The following CDH13 variants were observed in gnomAD, a reference collection of about 807,000 sequenced individuals.
CDH13 encodes the protein cadherin-13.
CDH13 carries 24 observed loss-of-function variants against 63.8 expected under a neutral mutation model. The observed-to-expected ratio is 0.38, with a 90% CI of 0.27 to 0.53. The LOEUF is 0.53. Among genes scored for constraint, CDH13 ranks in the 20% least tolerant of loss-of-function variants. The probability of loss-of-function intolerance (pLI) is 0.85; values close to 1 mark genes in which losing one functional copy is unlikely to be tolerated. For synonymous variants in CDH13, 503 were observed against 355.3 expected (o/e 1.42, Z -4.67); for missense variants, 1,049 against 903.1 (o/e 1.16, Z -2.07).
chr16:83,178,874 C>A (rs2038234437), intron 4 of CDH13, among the ~76,000 whole-genome samples: 1 of 152,092 alleles, frequency 6.6e-6, no homozygotes, highest in Non-Finnish European at 1.5e-5. Flanking sequence ...GTGTTTGGTT[C>A]ACTCTCCCCT....
At chr16:83,646,644 A>G (rs1481035291) in intron 8 of CDH13, among the ~76,000 whole-genome samples, 1 of 142,030 alleles carries the variant, frequency 7.0e-6, no homozygotes, top group Non-Finnish European at 1.5e-5. Context: ...GTGAGCTGAG[A>G]TCACGCGATT....
chr16:82,627,309 C>T (rs1907406718), intron 1 of CDH13, among the ~76,000 whole-genome samples, 172 bp downstream of exon 1: 1 of 151,326 alleles, frequency 6.6e-6, no homozygotes, highest in African/African-American at 2.4e-5. Flanking sequence ...CTAGGCACCC[C>T]CCACACACAG....
intron 4 of CDH13, among the ~76,000 whole-genome samples, chr16:83,181,667 T>C (rs2038351726): frequency 6.6e-6 from 1 of 152,118 alleles, no homozygotes; most frequent in African/African-American, 2.4e-5. Flanking sequence ...GGGGATGACT[T>C]GGAGCCAGGA....
At chr16:83,570,827 TA>T (rs1412138243) in intron 7 of CDH13, among the ~76,000 whole-genome samples, 1 of 106,734 alleles carries the variant, frequency 9.4e-6, no homozygotes, top group Non-Finnish European at 2.1e-5. Flanking sequence ...TAAATATAAA[TA>T]AAAATTTATA....
chr16:83,695,893 CTT>C (rs199731349), intron 10 of CDH13, among the ~76,000 whole-genome samples: 63 of 143,098 alleles, frequency 4.4e-4, no homozygotes, highest in Middle Eastern at 3.7e-3. Context: ...TGCCAAAGAA[CTT>C]TTTTTTTTTT....
intron 10 of CDH13, among the ~76,000 whole-genome samples, chr16:83,701,341 A>G (rs1421648500): frequency 2.0e-5 from 3 of 152,198 alleles, no homozygotes; most frequent in Admixed American, 1.3e-4. Context: ...CAGCGCTCCC[A>G]ATTCATTTCT....
At chr16:83,616,701 A>C (rs1400820661) in intron 8 of CDH13, among the ~76,000 whole-genome samples, 2 of 152,324 alleles carry the variant, frequency 1.3e-5, no homozygotes, top group East Asian at 3.9e-4. Flanking sequence ...ATAGAAAGCC[A>C]AGAGCAGCAT....
chr16:82,739,404 A>G (rs1051985125), intron 1 of CDH13, among the ~76,000 whole-genome samples: 1 of 152,182 alleles, frequency 6.6e-6, no homozygotes, highest in Non-Finnish European at 1.5e-5. Context: ...TTAGTCCCTG[A>G]GTCTTATTCC....
chr16:83,139,489 C>A (rs990393723), intron 4 of CDH13, among the ~76,000 whole-genome samples: 1 of 152,214 alleles, frequency 6.6e-6, no homozygotes, highest in Non-Finnish European at 1.5e-5. Flanking sequence ...ACACAATTCA[C>A]AGGCTCTGTG....
At chr16:83,038,813 C>G (rs1293277662) in intron 3 of CDH13, among the ~76,000 whole-genome samples, 1 of 152,186 alleles carries the variant, frequency 6.6e-6, no homozygotes, top group African/African-American at 2.4e-5. Context: ...AAAACACTCA[C>G]AAAGTAAAAA....
rs183819086 is a variant in CDH13 at position 83,521,875 on chromosome 16, A to G, written c.960+35220A>G. On this transcript the variant is annotated intron_variant, in intron 7 of 13. Transcript: ENST00000567109. ...CATTTTCAATAACTTCACCTATAATACAGGGCAAATCATCCTACTATATGA... is the reference window on the plus strand; with the variant it reads ...CATTTTCAATAACTTCACCTATAATGCAGGGCAAATCATCCTACTATATGA... 8.7e-4 allele frequency among the ~76,000 whole-genome samples: 133 copies of G among 152,350 alleles called. 1 individual carries two copies. The highest frequency in any genetic ancestry group is 1.4e-3 in the South Asian group (7 of 4,830).
intron 5 of CDH13, among the ~76,000 whole-genome samples, chr16:83,239,977 C>T (rs1904307220): frequency 6.6e-6 from 1 of 152,112 alleles, no homozygotes. Context: ...AAGAGAAGGT[C>T]ATGAGCTATA....
chr16:83,622,852 T>G (rs1396131143), intron 8 of CDH13, among the ~76,000 whole-genome samples: 1 of 152,206 alleles, frequency 6.6e-6, no homozygotes, highest in Non-Finnish European at 1.5e-5. Flanking sequence ...GTTCATGCAG[T>G]CACCGCATGC....
intron 5 of CDH13, among the ~76,000 whole-genome samples, chr16:83,323,057 A>C (rs190714798): frequency 6.6e-6 from 1 of 152,136 alleles, no homozygotes; most frequent in African/African-American, 2.4e-5. Flanking sequence ...GCTATCGTGC[A>C]AATGAGCGAA....
chr16:83,733,043 A>T (rs1911189172), intron 10 of CDH13, among the ~76,000 whole-genome samples: 1 of 152,224 alleles, frequency 6.6e-6, no homozygotes, highest in South Asian at 2.1e-4. Flanking sequence ...GCCTTGGTGA[A>T]GATACGCATC....
intron 2 of CDH13, among the ~76,000 whole-genome samples, chr16:82,964,581 A>G (rs1343413181): frequency 6.6e-6 from 1 of 152,238 alleles, no homozygotes; most frequent in Non-Finnish European, 1.5e-5. Flanking sequence ...GGTGAGCTTT[A>G]TCAACATCAT....
At chr16:83,629,262 AC>A (rs1448459640) in intron 8 of CDH13, among the ~76,000 whole-genome samples, 1 of 152,230 alleles carries the variant, frequency 6.6e-6, no homozygotes, top group Non-Finnish European at 1.5e-5. Flanking sequence ...GCTTCTGAAA[AC>A]TTTCTCATAA....
At chr16:83,287,658 A>G (rs1048161789) in intron 5 of CDH13, among the ~76,000 whole-genome samples, 2 of 152,200 alleles carry the variant, frequency 1.3e-5, no homozygotes, top group Admixed American at 1.3e-4. Flanking sequence ...ATTCTACATT[A>G]TGATGACTTA....
chr16:82,719,490 AT>A (rs1214494969), intron 1 of CDH13: 1 of 454,470 alleles, frequency 2.2e-6, no homozygotes, highest in Non-Finnish European at 4.4e-6. Flanking sequence ...GTTACATGAG[AT>A]GTGAAGGCAG....
Sources: gnomAD v4.1 joint callset for allele counts (sites outside exome capture counted in the v4.1 genomes callset) on GRCh38, gnomAD v4.1.1 for gene constraint, MANE v1.5 for transcripts, NCBI Gene and HGNC (gene_info 2026-07-23, HGNC 2026-07-21) for gene names.